Variants in CSMD1 observed in about 807,000 individuals in gnomAD.
CSMD1 encodes CUB and Sushi multiple domains 1, also known as CUB and sushi domain-containing protein 1.
In CSMD1, 213 loss-of-function variants were observed where a neutral mutation model predicts 417.5. The observed-to-expected ratio is 0.51, with a 90% CI of 0.46 to 0.57. The LOEUF is 0.57. Ranked by LOEUF, CSMD1 falls within the 20% of genes least tolerant of loss-of-function variation. The probability of loss-of-function intolerance (pLI) is 0.00; values close to 1 mark genes in which losing one functional copy is unlikely to be tolerated. For missense variants in CSMD1, 6,923 were observed against 4,529.7 expected (o/e 1.53, Z -15.17); for synonymous variants, 2,862 against 1,736.8 (o/e 1.65, Z -16.11).
Position 4,456,852 on chromosome 8 carries a change from G to C in CSMD1, c.303-36787C>G, listed in dbSNP as rs569185552. ...TACCTGCAGGACCCATCCTGACCAA[G>C]CCTGGCCCTGGGCACTGGCTTCAAA... On this transcript the variant is annotated intron_variant, in intron 2 of 69. Coordinates refer to ENST00000635120, the MANE Select transcript of CSMD1 (RefSeq NM_033225.6). Among the ~76,000 whole-genome samples, 19 of 152,168 alleles carry C rather than the reference G, an allele frequency of 1.2e-4. 1 individual carries two copies. In the South Asian group the frequency reaches 2.7e-3, roughly 22 times the overall value.
chr8:3,819,654 ACT>A (rs1433746331), intron 5 of CSMD1, among the ~76,000 whole-genome samples: 2 of 151,924 alleles, frequency 1.3e-5, no homozygotes, highest in African/African-American at 4.8e-5. Context: ...AGCAATCATG[ACT>A]CACTGCGGCC....
intron 3 of CSMD1, among the ~76,000 whole-genome samples, chr8:4,239,108 G>A (rs968523561): frequency 6.6e-6 from 1 of 152,124 alleles, no homozygotes; most frequent in African/African-American, 2.4e-5. Context: ...TTTCTTAAGG[G>A]AGATTATGTG....
chr8:4,972,278 C>G (rs575530305), intron 1 of CSMD1, among the ~76,000 whole-genome samples: 1 of 145,538 alleles, frequency 6.9e-6, no homozygotes, highest in African/African-American at 2.8e-5. Context: ...TTTGCTCTGT[C>G]ACCACCAAAA....
chr8:4,154,318 G>A (rs755440847), intron 3 of CSMD1, among the ~76,000 whole-genome samples: 1 of 152,192 alleles, frequency 6.6e-6, no homozygotes, highest in Non-Finnish European at 1.5e-5. Flanking sequence ...TCCTATTTAA[G>A]TTGAAAGGAT....
intron 3 of CSMD1, among the ~76,000 whole-genome samples, chr8:4,332,218 C>T (rs1193324353): frequency 1.3e-5 from 2 of 151,948 alleles, no homozygotes; most frequent in African/African-American, 2.4e-5. Context: ...GGTGCGGATC[C>T]CTCACGAAGC....
intron 2 of CSMD1, among the ~76,000 whole-genome samples, chr8:4,511,012 C>T (rs1043428180): frequency 1.3e-5 from 2 of 151,994 alleles, no homozygotes; most frequent in Non-Finnish European, 2.9e-5. Context: ...GTGCCTTTAA[C>T]CTATGTGGCT....
rs140220760 is a variant in CSMD1, at chr8:3,662,644, A to G, written c.1009+45770T>C. Reference sequence around the variant, plus strand: ...GTCTTCCAGAATGGTTGAATACACCATTTTTTATGCAGCCATGAAGAACAA... The same window carrying G: ...GTCTTCCAGAATGGTTGAATACACCGTTTTTTATGCAGCCATGAAGAACAA... On this transcript the variant is annotated intron_variant, in intron 7 of 69. Transcript: ENST00000635120. Among the ~76,000 whole-genome samples, 241 of 152,238 alleles carry G rather than the reference A, an allele frequency of 1.6e-3. 2 individuals carry two copies. The highest frequency in any genetic ancestry group is 5.6e-3 in the African/African-American group (234 of 41,540).
intron 2 of CSMD1, among the ~76,000 whole-genome samples, chr8:4,578,326 C>T (rs544629297): frequency 6.5e-4 from 62 of 95,758 alleles, no homozygotes; most frequent in African/African-American, 3.0e-3. Context: ...CCACGACACC[C>T]GGCTCATTTT....
At position 4,344,751 on chromosome 8, in the gene CSMD1, C is replaced by T. The variant is rs74350988; in HGVS notation, c.415+75202G>A. ...AAAAGAATATAAAAGTTGCCATTCA[C>T]ATTTCACCGTTGTAGATAAAAACAT... On this transcript the variant is annotated intron_variant, in intron 3 of 69. Coordinates refer to ENST00000635120, the MANE Select transcript of CSMD1 (RefSeq NM_033225.6). Among the ~76,000 whole-genome samples, 206 of 152,216 alleles carry T rather than the reference C, an allele frequency of 1.4e-3. 1 individual carries two copies. Among genetic ancestry groups the T allele is most frequent in the East Asian group, 2.3e-3 (12 of 5,166 alleles).
chr8:4,967,876 C>A (rs1439370135), intron 1 of CSMD1, among the ~76,000 whole-genome samples: 1 of 152,168 alleles, frequency 6.6e-6, no homozygotes, highest in South Asian at 2.1e-4. Flanking sequence ...GATGTGCTGA[C>A]TCCTGCAGTA....
intron 3 of CSMD1, among the ~76,000 whole-genome samples, chr8:4,103,555 A>G (rs984178914): frequency 6.6e-6 from 1 of 151,990 alleles, no homozygotes; most frequent in Admixed American, 6.6e-5. Context: ...TGACTGCATC[A>G]AAGTTTGATA....
chr8:3,487,419 T>C (rs1024637398), intron 11 of CSMD1, among the ~76,000 whole-genome samples: 6 of 152,158 alleles, frequency 3.9e-5, no homozygotes, highest in Non-Finnish European at 7.3e-5. Flanking sequence ...GCCAGGATGG[T>C]CTCGTTCTCC....
chr8:3,877,126 G>C (rs955274762), intron 5 of CSMD1, among the ~76,000 whole-genome samples: 9 of 152,152 alleles, frequency 5.9e-5, no homozygotes, highest in Admixed American at 6.5e-5. Flanking sequence ...GGTGAAGCAG[G>C]CGAATTTTGC....
chr8:3,873,716 T>C (rs1805632869), intron 5 of CSMD1, among the ~76,000 whole-genome samples: 1 of 151,948 alleles, frequency 6.6e-6, no homozygotes, highest in Non-Finnish European at 1.5e-5. Context: ...AATAAATAAA[T>C]AAATAAAAAG....
rs1358674327 is a variant in CSMD1, at chr8:2,935,500, A to T, written c.*3085T>A. ...TAACAGGCCACTTTAATATTAATAC[A>T]TGTGTAATAGGATTGGAACTGAAAA... On this transcript the variant is annotated 3_prime_UTR_variant, in exon 70 of 70. Transcript: ENST00000635120. 1 of 152,206 alleles carries T rather than the reference A, an allele frequency of 6.6e-6. No individual in the cohort carries two copies. The highest frequency in any genetic ancestry group is 1.5e-5 in the Non-Finnish European group (1 of 68,046). The allele number at this position is 152,206 out of a possible 1,614,324, so 9.4% of individuals were successfully genotyped here.
chr8:2,980,658 A>G (rs1585088130), intron 54 of CSMD1, among the ~76,000 whole-genome samples: 1 of 152,272 alleles, frequency 6.6e-6, no homozygotes, highest in East Asian at 1.9e-4. Context: ...GGTGAAGGGG[A>G]ATTTACAATA....
rs1160679199 is a variant in CSMD1 at position 3,729,922 on chromosome 8, T to TAA, written c.932-21433_932-21432dup. 4.0e-4 allele frequency among the ~76,000 whole-genome samples: 19 copies of TAA among 47,070 alleles called. 3 individuals carry two copies. The highest frequency in any genetic ancestry group is 2.5e-3 in the African/African-American group (18 of 7,324). The allele number at this position is 47,070 out of a possible 152,430, so 30.9% of individuals were successfully genotyped here. On this transcript the variant is annotated intron_variant, in intron 6 of 69. Transcript: ENST00000635120. ...AGAATTATTATTTGCCAATTCAAAGTAAAAAAAAAAAAAAAAAAAAAAAAA... is the reference window on the plus strand; with the variant it reads ...AGAATTATTATTTGCCAATTCAAAGTAAAAAAAAAAAAAAAAAAAAAAAAAAA...
chr8:4,840,509 T>C (rs1243692368), intron 1 of CSMD1, among the ~76,000 whole-genome samples: 1 of 152,218 alleles, frequency 6.6e-6, no homozygotes, highest in Non-Finnish European at 1.5e-5. Context: ...AATTAAGTTA[T>C]GGTGGTGAGA....
In CSMD1 at chr8:4,265,819, T is replaced by C. The variant is rs150421940; in HGVS notation, c.415+154134A>G. On this transcript the variant is annotated intron_variant, in intron 3 of 69. Transcript: ENST00000635120. ...CTTTTATAAACTCTCACCATTTACC[T>C]ATCAACTTGGTTACCCTAAAAGCCA... Among the ~76,000 whole-genome samples the C allele has an allele frequency of 5.0e-3, 527 of 105,198 alleles. 77 individuals are homozygous for C. Among genetic ancestry groups the C allele is most frequent in the African/African-American group, 0.013 (505 of 38,538 alleles). The allele number at this position is 105,198 out of a possible 152,430, so 69.0% of individuals were successfully genotyped here. A position where few individuals can be genotyped will look rare whatever the true frequency, so the allele number is the denominator to read the frequency against.
Sources: allele counts gnomAD v4.1 joint callset (sites outside exome capture counted in the v4.1 genomes callset), GRCh38; gene constraint gnomAD v4.1.1; transcripts MANE v1.5; gene names NCBI Gene and HGNC (gene_info 2026-07-23, HGNC 2026-07-21).